ADAMTS17: variants seen among roughly 807,000 people sequenced by gnomAD.
The protein encoded by ADAMTS17 is ADAM metallopeptidase with thrombospondin type 1 motif 17.
Under a neutral mutation model 141.5 loss-of-function variants are expected in ADAMTS17, and 113 were observed. That is an observed-to-expected ratio of 0.80 (90% CI 0.69 to 0.93). The LOEUF (loss-of-function observed/expected upper bound fraction) is 0.93. ADAMTS17 is among the 40% of genes least tolerant of loss of function. The pLI is 0.00. For missense variants in ADAMTS17, 1,659 were observed against 1,517.9 expected (o/e 1.09, Z -1.54); for synonymous variants, 768 against 630.6 (o/e 1.22, Z -3.27).
At chr15:100,101,246 C>T (rs1433544308) in intron 14 of ADAMTS17, among the ~76,000 whole-genome samples, 2 of 149,836 alleles carry the variant, frequency 1.3e-5, no homozygotes, top group East Asian at 3.9e-4. Context: ...AGCCACAGTC[C>T]CCCGCTGGGT....
chr15:100,185,704 T>C (rs912801714), intron 8 of ADAMTS17, among the ~76,000 whole-genome samples: 2 of 152,232 alleles, frequency 1.3e-5, no homozygotes, highest in South Asian at 2.1e-4. Context: ...AGATCCCTCA[T>C]GCCCTGGCAT....
At chr15:100,154,275 C>T (rs1410778209) in intron 9 of ADAMTS17, among the ~76,000 whole-genome samples, 1 of 152,202 alleles carries the variant, frequency 6.6e-6, no homozygotes, top group East Asian at 1.9e-4. Context: ...TTCCTAAGAT[C>T]TGTGGTATCA....
intron 10 of ADAMTS17, among the ~76,000 whole-genome samples, chr15:100,140,084 C>T (rs1425609360): frequency 2.0e-5 from 3 of 152,154 alleles, no homozygotes; most frequent in Non-Finnish European, 2.9e-5. Flanking sequence ...CAACCTCCGC[C>T]TCCTGGGTTC....
At chr15:100,171,137 C>G (rs9806405) in intron 8 of ADAMTS17, among the ~76,000 whole-genome samples, 9,609 of 152,118 alleles carry the variant, frequency 0.063, 449 homozygotes, top group East Asian at 0.17. Flanking sequence ...GGGATTAGCC[C>G]ACCTGCAGGA....
chr15:100,208,975 T>G (rs1211498760), intron 7 of ADAMTS17, among the ~76,000 whole-genome samples: 1 of 152,108 alleles, frequency 6.6e-6, no homozygotes, highest in Non-Finnish European at 1.5e-5. Flanking sequence ...TTTACTGCCT[T>G]CCAAGGGCTC....
intron 8 of ADAMTS17, among the ~76,000 whole-genome samples, chr15:100,167,894 G>A (rs903370350): frequency 2.0e-5 from 3 of 152,166 alleles, no homozygotes; most frequent in South Asian, 2.1e-4. Context: ...ACCCATGCAC[G>A]TGATGAATGT....
chr15:100,214,080 A>G (rs4246306), intron 7 of ADAMTS17, among the ~76,000 whole-genome samples: 127,934 of 152,172 alleles, frequency 0.84, 54,111 homozygotes, highest in Non-Finnish European at 0.9. Context: ...TTTTGCCAAA[A>G]AAGCCTGGAT....
chr15:100,079,229 C>T (rs1234316699), intron 15 of ADAMTS17, among the ~76,000 whole-genome samples: 1 of 152,194 alleles, frequency 6.6e-6, no homozygotes, highest in African/African-American at 2.4e-5. Flanking sequence ...AAAACATGTC[C>T]ACATGGTAAC....
intron 7 of ADAMTS17, among the ~76,000 whole-genome samples, chr15:100,232,987 G>GA (rs1290181227): frequency 2.0e-5 from 3 of 152,150 alleles, no homozygotes; most frequent in Non-Finnish European, 4.4e-5. Context: ...AATATGGGTT[G>GA]AATCTGAGGT....
intron 3 of ADAMTS17, among the ~76,000 whole-genome samples, chr15:100,291,749 A>C (rs1159653596): frequency 6.6e-6 from 1 of 152,230 alleles, no homozygotes; most frequent in African/African-American, 2.4e-5. Flanking sequence ...ACAGAAAACC[A>C]AATACTGCAA....
intron 7 of ADAMTS17, among the ~76,000 whole-genome samples, chr15:100,236,457 G>A (rs966798243): frequency 4.6e-5 from 7 of 152,044 alleles, no homozygotes; most frequent in Non-Finnish European, 5.9e-5. Flanking sequence ...AGTCCTCCAT[G>A]TGATCCAGAG....
At chr15:100,152,907 C>G (rs2039247565) in intron 9 of ADAMTS17, 145 bp from the exon 10 acceptor site, 1 of 620,056 alleles carries the variant, frequency 1.6e-6, no homozygotes. Context: ...GCACTGGACA[C>G]ACAGACTGCG....
intron 10 of ADAMTS17, among the ~76,000 whole-genome samples, chr15:100,147,363 C>T (rs1308598508): frequency 6.6e-6 from 1 of 152,166 alleles, no homozygotes; most frequent in African/African-American, 2.4e-5. Context: ...ATCAGGCAGA[C>T]CTTTCATTGT....
intron 7 of ADAMTS17, among the ~76,000 whole-genome samples, chr15:100,211,806 C>A (rs568828537): frequency 6.4e-4 from 97 of 152,156 alleles, no homozygotes; most frequent in Non-Finnish European, 1.2e-3. Flanking sequence ...CAATTCACAC[C>A]CAGCATGTTG....
chr15:100,309,183 C>A (rs1484389271), intron 3 of ADAMTS17, among the ~76,000 whole-genome samples: 5 of 152,140 alleles, frequency 3.3e-5, no homozygotes, highest in Admixed American at 6.5e-5. Flanking sequence ...CACAGTGAGA[C>A]CTCATCTCCA....
intron 8 of ADAMTS17, among the ~76,000 whole-genome samples, chr15:100,174,308 A>C (rs1256921121): frequency 1.3e-5 from 2 of 150,438 alleles, no homozygotes; most frequent in Non-Finnish European, 1.5e-5. Context: ...CTAAAATACA[A>C]GGCCCCAATG....
At chr15:100,193,962 G>A (rs1596241999) in intron 8 of ADAMTS17, among the ~76,000 whole-genome samples, 1 of 152,230 alleles carries the variant, frequency 6.6e-6, no homozygotes, top group African/African-American at 2.4e-5. Flanking sequence ...GGTTTGGGCC[G>A]GCTCCCAGGG....
chr15:100,096,660 A>G (rs1041559848), intron 14 of ADAMTS17, among the ~76,000 whole-genome samples, 184 bp from the exon 15 acceptor site: 18 of 152,180 alleles, frequency 1.2e-4, no homozygotes, highest in African/African-American at 4.1e-4. Context: ...AATCCAACCT[A>G]GATTATATTT....
At chr15:100,232,819 T>C (rs1567399797) in intron 7 of ADAMTS17, among the ~76,000 whole-genome samples, 1 of 152,060 alleles carries the variant, frequency 6.6e-6, no homozygotes, top group Non-Finnish European at 1.5e-5. Flanking sequence ...ATTTGCGTCT[T>C]CAGGTCTCGG....
Sources: gnomAD v4.1 joint callset for allele counts (sites outside exome capture counted in the v4.1 genomes callset) on GRCh38, gnomAD v4.1.1 for gene constraint, MANE v1.5 for transcripts, NCBI Gene and HGNC (gene_info 2026-07-23, HGNC 2026-07-21) for gene names.